The following ERGIC2 variants were observed in gnomAD, a reference collection of about 807,000 sequenced individuals.
ERGIC2 encodes the protein ERGIC and golgi 2.
ERGIC2 carries 31 observed loss-of-function variants against 52.5 expected under a neutral mutation model. The observed-to-expected ratio is 0.59, with a 90% CI of 0.44 to 0.80. ERGIC2 has a LOEUF of 0.80. ERGIC2 is among the 30% of genes least tolerant of loss of function. The probability of loss-of-function intolerance (pLI) is 0.00; values close to 1 mark genes in which losing one functional copy is unlikely to be tolerated. For synonymous variants in ERGIC2, 129 were observed against 140.6 expected (o/e 0.92, Z 0.58); for missense variants, 395 against 455.2 (o/e 0.87, Z 1.20).
rs199870273 is a variant in ERGIC2 at position 29,341,188 on chromosome 12, G to T, written c.1102C>A (p.His368Asn). 1.6e-5 allele frequency: 25 copies of T among 1,609,830 alleles called. No individual in the cohort carries two copies. The highest frequency in any genetic ancestry group is 3.4e-6 in the Non-Finnish European group (4 of 1,177,676). ...VPFEDGHTDN[H>N]LPLLENNTH ...GTATTATTTTCTAAAAGAGGTAAGT[G>T]GTTGTCTGTGTGGCCATCCTCAAAA... Residue 368 changes from histidine to asparagine, a missense_variant, in exon 14 of 14, where the codon CAC becomes AAC. By Grantham distance (68) the His-to-Asn change is moderately conservative. Transcript: ENST00000360150.
At position 29,340,210 on chromosome 12, in the gene ERGIC2, T is replaced by C. The variant is rs1949827410; in HGVS notation, c.*946A>G. ...TATCTTGTGGTGCTTACAATTTGCC[T>C]TACACTTTCATTTAAAGTTACCCTG... On this transcript the variant is annotated 3_prime_UTR_variant, in exon 14 of 14. Coordinates refer to ENST00000360150, the MANE Select transcript of ERGIC2 (RefSeq NM_016570.3). 1 of 152,146 alleles carries C rather than the reference T, an allele frequency of 6.6e-6. No homozygotes were observed. The highest frequency in any genetic ancestry group is 1.5e-5 in the Non-Finnish European group (1 of 68,010). 9.4% of individuals were successfully genotyped at this position (152,146 alleles called of 1,614,324 possible).
At chr12:29,374,444 G>A (rs777372865) in intron 1 of ERGIC2, among the ~76,000 whole-genome samples, 7 of 151,880 alleles carry the variant, frequency 4.6e-5, no homozygotes, top group African/African-American at 9.7e-5. Flanking sequence ...CCAAATGATC[G>A]CCCACTCCTT....
intron 11 of ERGIC2, among the ~76,000 whole-genome samples, chr12:29,345,026 T>C (rs1940026491): frequency 6.6e-6 from 1 of 152,198 alleles, no homozygotes; most frequent in South Asian, 2.1e-4. Context: ...TAATCCATGA[T>C]AACCATGTAT....
chr12:29,370,442 T>C (rs181213884), intron 2 of ERGIC2, among the ~76,000 whole-genome samples: 9 of 152,098 alleles, frequency 5.9e-5, no homozygotes, highest in African/African-American at 2.2e-4. Flanking sequence ...AATATGAACA[T>C]AAACACTTGC....
At chr12:29,346,579 C>G (rs1173785831) in intron 10 of ERGIC2, among the ~76,000 whole-genome samples, 2 of 152,132 alleles carry the variant, frequency 1.3e-5, no homozygotes, top group Non-Finnish European at 2.9e-5. Context: ...CTACTAATAT[C>G]TTAAGATATA....
At position 29,339,908 on chromosome 12, in the gene ERGIC2, A is replaced by C. The variant is rs578259360; in HGVS notation, c.*1248T>G. 1 of 152,234 alleles carries C rather than the reference A, an allele frequency of 6.6e-6. No homozygotes were observed. The highest frequency in any genetic ancestry group is 1.5e-5 in the Non-Finnish European group (1 of 67,980). 9.4% of individuals were successfully genotyped at this position (152,234 alleles called of 1,614,324 possible). A position where few individuals can be genotyped will look rare whatever the true frequency, so the allele number is the denominator to read the frequency against. On this transcript the variant is annotated 3_prime_UTR_variant, in exon 14 of 14. Coordinates refer to ENST00000360150, the MANE Select transcript of ERGIC2 (RefSeq NM_016570.3). ...TTTAAACTTTGAGGATTGGCTGCTG[A>C]TTCTTCTACTGCCATTCAGTACTAC...
chr12:29,356,597 TTAAAAA>T lies in ERGIC2; in HGVS notation c.477-126_477-121del. 3.6e-5 allele frequency: 19 copies of T among 530,692 alleles called. No homozygotes were observed. The South Asian group carries it at 5.0e-4, about 14-fold the overall frequency. The allele number at this position is 530,692 out of a possible 1,614,324, so 32.9% of individuals were successfully genotyped here. On this transcript the variant is annotated intron_variant, in intron 7 of 13. Coordinates refer to ENST00000360150, the MANE Select transcript of ERGIC2 (RefSeq NM_016570.3). ...CATTTTTTAGGTAATATTCTAAATGTTAAAAATAGAATAGTTTCCTGAAGTCTAGAC... is the reference window on the plus strand; with the variant it reads ...CATTTTTTAGGTAATATTCTAAATGTTAGAATAGTTTCCTGAAGTCTAGAC...
Position 29,343,104 on chromosome 12 carries a change from G to T in ERGIC2, c.988+16C>A. 1 of 1,559,486 alleles carries T rather than the reference G, an allele frequency of 6.4e-7. No individual in the cohort carries two copies. Among genetic ancestry groups the T allele is most frequent in the Non-Finnish European group, 8.7e-7 (1 of 1,148,280 alleles). On this transcript the variant is annotated intron_variant, in intron 12 of 13. Transcript: ENST00000360150. ...AACACTTTCAGAAATTAGACAAAAA[G>T]GAAATGGTTGTTAACCTGTTGTTGA... is the stretch of plus-strand genomic sequence containing the variant.
At chr12:29,344,213 C>T (rs1392740732) in intron 11 of ERGIC2, among the ~76,000 whole-genome samples, 1 of 152,090 alleles carries the variant, frequency 6.6e-6, no homozygotes, top group Non-Finnish European at 1.5e-5. Context: ...AACAATGCAA[C>T]GAATAGCCTG....
chr12:29,380,575 C>T (rs1305953306), intron 1 of ERGIC2: 1 of 152,326 alleles, frequency 6.6e-6, no homozygotes. Flanking sequence ...ACAGTCGAAC[C>T]TGTCTCTCAG....
Position 29,357,728 on chromosome 12 carries a change from A to C in ERGIC2, c.375-4T>G, listed in dbSNP as rs754705852. 1.3e-6 allele frequency: 2 copies of C among 1,510,770 alleles called. No homozygotes were observed. Among genetic ancestry groups the C allele is most frequent in the South Asian group, 1.1e-5 (1 of 88,364 alleles). The allele number at this position is 1,510,770 out of a possible 1,614,324, so 93.6% of individuals were successfully genotyped here. A position where few individuals can be genotyped will look rare whatever the true frequency, so the allele number is the denominator to read the frequency against. On this transcript the variant is annotated splice_region_variant and splice_polypyrimidine_tract_variant and intron_variant, in intron 6 of 13. Transcript: ENST00000360150. ...ACTCTGAATCAGCTGCAGCATCCTA[A>C]ATAAGAAGCAATAATTTAGAACTAC...
intron 6 of ERGIC2, among the ~76,000 whole-genome samples, chr12:29,360,571 T>C (rs1161583855): frequency 6.8e-6 from 1 of 147,676 alleles, no homozygotes; most frequent in Admixed American, 6.8e-5. Flanking sequence ...TATAATATAC[T>C]CATATATGAT....
chr12:29,364,949 G>GAAAAAAAA (rs71042989), intron 5 of ERGIC2, among the ~76,000 whole-genome samples: 1 of 118,554 alleles, frequency 8.4e-6, no homozygotes, highest in Non-Finnish European at 1.8e-5. Context: ...AAGTCAAAAA[G>GAAAAAAAA]AAAAAAAAAA....
Position 29,343,257 on chromosome 12 carries a change from C to A in ERGIC2, c.851G>T (p.Gly284Val). ...ERERIINHAA[G>V]SHGVSGIFMK... ...AAATATCCCAGAGACTCCATGGCTG[C>A]CTGCAGCATGGTTAATGATACGTTC... is the stretch of plus-strand genomic sequence containing the variant. The change falls in exon 12 of 14, where the codon GGC becomes GTC. Residue 284 changes from glycine to valine, a missense_variant. Transcript: ENST00000360150. 1 of 1,596,070 alleles carries A rather than the reference C, an allele frequency of 6.3e-7. No homozygotes were observed. The highest frequency in any genetic ancestry group is 8.5e-7 in the Non-Finnish European group (1 of 1,170,074).
chr12:29,346,390 A>C (rs1332890249), intron 10 of ERGIC2, among the ~76,000 whole-genome samples: 1 of 151,542 alleles, frequency 6.6e-6, no homozygotes, highest in Non-Finnish European at 1.5e-5. Context: ...GGGTTTTGCC[A>C]TGTCGCCCAG....
chr12:29,366,869 A>C lies in ERGIC2; in HGVS notation c.333+8T>G. ...TGTATTTCAAAAAACCATGTGAATC[A>C]AACTTACTGGTTCATAAACTAAACC... On this transcript the variant is annotated splice_region_variant and intron_variant, in intron 5 of 13. Coordinates refer to ENST00000360150, the MANE Select transcript of ERGIC2 (RefSeq NM_016570.3). 6.3e-7 allele frequency: 1 copy of C among 1,583,772 alleles called. No homozygotes were observed. The highest frequency in any genetic ancestry group is 8.6e-7 in the Non-Finnish European group (1 of 1,158,498).
At chr12:29,364,117 T>C (rs1365788677) in intron 5 of ERGIC2, among the ~76,000 whole-genome samples, 1 of 152,044 alleles carries the variant, frequency 6.6e-6, no homozygotes, top group Non-Finnish European at 1.5e-5. Flanking sequence ...TTTCATAGGA[T>C]AGAAAAACCC....
chr12:29,356,604 T>C, intron 7 of ERGIC2, 127 bp from the exon 8 acceptor site: 1 of 512,842 alleles, frequency 1.9e-6, no homozygotes, highest in Non-Finnish European at 3.4e-6. Context: ...ATGTTAAAAA[T>C]AGAATAGTTT....
At chr12:29,367,588 C>G (rs1237819758) in intron 4 of ERGIC2, among the ~76,000 whole-genome samples, 4 of 151,644 alleles carry the variant, frequency 2.6e-5, no homozygotes, top group African/African-American at 4.8e-5. Context: ...CAGAAAATAA[C>G]CTCTAATTAA....
Sources: gnomAD v4.1 joint callset for allele counts (sites outside exome capture counted in the v4.1 genomes callset) on GRCh38, gnomAD v4.1.1 for gene constraint, MANE v1.5 for transcripts, NCBI Gene and HGNC (gene_info 2026-07-23, HGNC 2026-07-21) for gene names.